MTUS2: variants seen among roughly 807,000 people sequenced by gnomAD.
MTUS2 encodes the protein microtubule-associated tumor suppressor candidate 2.
Under a neutral mutation model 114.1 loss-of-function variants are expected in MTUS2, and 40 were observed. The ratio of observed to expected loss-of-function variants is 0.35; its 90% CI spans 0.27 to 0.46. The LOEUF (loss-of-function observed/expected upper bound fraction) is 0.46, where lower values mean the gene tolerates loss of function less well. Ranked by LOEUF, MTUS2 falls within the 20% of genes least tolerant of loss-of-function variation. The probability of loss-of-function intolerance (pLI) is 1.00; values close to 1 mark genes in which losing one functional copy is unlikely to be tolerated. For missense variants in MTUS2, 1,679 were observed against 1,705.4 expected, an observed-to-expected ratio of 0.98 and a Z score of 0.27; for synonymous variants, 688 against 672.0, an observed-to-expected ratio of 1.02 and a Z score of -0.37.
intron 6 of MTUS2, among the ~76,000 whole-genome samples, chr13:29,285,625 G>C (rs539004837): frequency 6.6e-6 from 1 of 152,176 alleles, no homozygotes; most frequent in African/African-American, 2.4e-5. Flanking sequence ...CATGAGGATT[G>C]AATCAGCAAA....
chr13:29,101,569 C>T (rs763721714), intron 5 of MTUS2, among the ~76,000 whole-genome samples: 1 of 152,136 alleles, frequency 6.6e-6, no homozygotes, highest in African/African-American at 2.4e-5. Context: ...ACCTGCAGAG[C>T]ATGTTACAAC....
intron 2 of MTUS2, among the ~76,000 whole-genome samples, chr13:28,907,785 C>T (rs2935202): frequency 0.13 from 19,739 of 151,472 alleles, 1,925 homozygotes; most frequent in African/African-American, 0.21. Context: ...GAGACTTAGA[C>T]TCCCACACAA....
chr13:29,360,654 C>T (rs1870149159), intron 8 of MTUS2, among the ~76,000 whole-genome samples: 2 of 148,332 alleles, frequency 1.3e-5, no homozygotes, highest in Admixed American at 6.8e-5. Flanking sequence ...CGATGCATGA[C>T]GTGATCTGGT....
At chr13:28,905,877 G>C (rs1378239358) in intron 2 of MTUS2, among the ~76,000 whole-genome samples, 5 of 151,568 alleles carry the variant, frequency 3.3e-5, no homozygotes, top group East Asian at 1.9e-4. Context: ...GTGAATCCAT[G>C]TGGTCCTGGA....
intron 8 of MTUS2, among the ~76,000 whole-genome samples, chr13:29,401,950 G>C (rs1874382368): frequency 6.6e-6 from 1 of 152,068 alleles, no homozygotes; most frequent in South Asian, 2.1e-4. Context: ...TGGCAGCTTT[G>C]GAATATAGGG....
At chr13:28,868,376 C>T (rs1167916790) in intron 2 of MTUS2, among the ~76,000 whole-genome samples, 2 of 152,100 alleles carry the variant, frequency 1.3e-5, no homozygotes, top group Admixed American at 1.3e-4. Flanking sequence ...GTTTTTTCTT[C>T]GTTAGTAAGC....
chr13:29,295,833 C>T (rs1050225154), intron 6 of MTUS2, among the ~76,000 whole-genome samples: 9 of 152,194 alleles, frequency 5.9e-5, no homozygotes, highest in African/African-American at 2.2e-4. Flanking sequence ...GTGTGTGCAG[C>T]GGAACTGCAT....
intron 5 of MTUS2, among the ~76,000 whole-genome samples, chr13:29,268,775 G>GC (rs2139493038): frequency 6.6e-6 from 1 of 152,130 alleles, no homozygotes; most frequent in South Asian, 2.1e-4. Flanking sequence ...AGGATCCCAG[G>GC]CAACAGTCCA....
chr13:29,259,984 C>T (rs750866491), intron 5 of MTUS2, among the ~76,000 whole-genome samples: 3 of 152,160 alleles, frequency 2.0e-5, no homozygotes, highest in Non-Finnish European at 4.4e-5. Context: ...CCATGGTGCC[C>T]GGTGACCATG....
At chr13:29,160,162 G>A (rs544933649) in intron 5 of MTUS2, among the ~76,000 whole-genome samples, 49 of 152,260 alleles carry the variant, frequency 3.2e-4, no homozygotes, top group African/African-American at 1.1e-3. Context: ...GCTACTTAGC[G>A]GTAATCAGGA....
chr13:29,432,095 C>T (rs1790209163), intron 8 of MTUS2, among the ~76,000 whole-genome samples: 1 of 150,834 alleles, frequency 6.6e-6, no homozygotes, highest in African/African-American at 2.4e-5. Flanking sequence ...TCAAGTGATC[C>T]ACCCACCTCG....
chr13:29,250,450 A>G (rs899859088), intron 5 of MTUS2: 2 of 151,522 alleles, frequency 1.3e-5, no homozygotes, highest in African/African-American at 2.4e-5. Flanking sequence ...GTCTTAATTC[A>G]TCTTTGGAAA....
chr13:29,173,844 G>T (rs1262573602), intron 5 of MTUS2, among the ~76,000 whole-genome samples: 5 of 151,816 alleles, frequency 3.3e-5, no homozygotes, highest in Non-Finnish European at 7.4e-5. Flanking sequence ...ACACATCTTT[G>T]ATATGAATTA....
intron 2 of MTUS2, among the ~76,000 whole-genome samples, chr13:28,963,289 T>C (rs1056346491): frequency 6.6e-6 from 1 of 152,136 alleles, no homozygotes; most frequent in Non-Finnish European, 1.5e-5. Context: ...AGGCGGAAGT[T>C]GCAGTGAGCT....
At chr13:29,222,318 ATTTT>A (rs973605683) in intron 5 of MTUS2, among the ~76,000 whole-genome samples, 3 of 152,092 alleles carry the variant, frequency 2.0e-5, no homozygotes, top group South Asian at 4.2e-4. Context: ...TTTAGCATAA[ATTTT>A]GAGATCTGGC....
intron 6 of MTUS2, among the ~76,000 whole-genome samples, chr13:29,323,441 G>A (rs1037408044): frequency 1.3e-5 from 2 of 151,990 alleles, no homozygotes; most frequent in Admixed American, 6.6e-5. Context: ...TAGTAAAGAC[G>A]GGGTTTCACC....
intron 5 of MTUS2, among the ~76,000 whole-genome samples, chr13:29,180,486 G>T (rs1893952146): frequency 6.6e-6 from 1 of 152,138 alleles, no homozygotes; most frequent in Admixed American, 6.5e-5. Context: ...AGATGTTAAG[G>T]TCACTCAATT....
intron 7 of MTUS2, among the ~76,000 whole-genome samples, chr13:29,333,604 C>T (rs1900904174): frequency 6.6e-6 from 1 of 152,066 alleles, no homozygotes; most frequent in South Asian, 2.1e-4. Context: ...TTTTTACTTC[C>T]GATTATGTGG....
chr13:29,435,440 CAGT>C (rs1024992191), intron 8 of MTUS2, among the ~76,000 whole-genome samples: 2 of 152,168 alleles, frequency 1.3e-5, no homozygotes, highest in Non-Finnish European at 2.9e-5. Flanking sequence ...AGTCAACCCA[CAGT>C]GTCATCACCC....
Sources: gnomAD v4.1 joint callset for allele counts (sites outside exome capture counted in the v4.1 genomes callset) on GRCh38, gnomAD v4.1.1 for gene constraint, MANE v1.5 for transcripts, NCBI Gene and HGNC (gene_info 2026-07-23, HGNC 2026-07-21) for gene names.